Variants in EML1 observed in about 807,000 individuals in gnomAD.
The protein encoded by EML1 is EMAP like 1.
In EML1, 27 loss-of-function variants were observed where a neutral mutation model predicts 110.4. The observed-to-expected ratio is 0.24, with a 90% CI of 0.18 to 0.34. EML1 has a LOEUF of 0.34. Ranked by LOEUF, EML1 falls within the 10% of genes least tolerant of loss-of-function variation. The probability of loss-of-function intolerance (pLI) is 1.00; values close to 1 mark genes in which losing one functional copy is unlikely to be tolerated. For synonymous variants in EML1, 344 were observed against 385.8 expected (o/e 0.89, Z 1.27); for missense variants, 741 against 1,030.9 (o/e 0.72, Z 3.85).
intron 1 of EML1, among the ~76,000 whole-genome samples, chr14:99,761,136 A>G (rs897770937): frequency 2.0e-4 from 30 of 152,136 alleles, no homozygotes; most frequent in Admixed American, 1.7e-3. Flanking sequence ...CACCTTACCG[A>G]TGAGAAAACT....
At chr14:99,903,165 A>G (rs892375479) in intron 9 of EML1, among the ~76,000 whole-genome samples, 2 of 152,236 alleles carry the variant, frequency 1.3e-5, no homozygotes, top group Non-Finnish European at 2.9e-5. Flanking sequence ...AAATAGCTCA[A>G]AAGAAAAGTT....
At chr14:99,838,384 A>G (rs1379008589) in intron 1 of EML1, among the ~76,000 whole-genome samples, 2 of 152,192 alleles carry the variant, frequency 1.3e-5, no homozygotes. Flanking sequence ...CTTTTTGTTA[A>G]GTCAGTTTAT....
intron 2 of EML1, among the ~76,000 whole-genome samples, chr14:99,851,780 T>G (rs946419953): frequency 2.0e-5 from 3 of 152,200 alleles, no homozygotes; most frequent in Non-Finnish European, 2.9e-5. Flanking sequence ...CACTCGATCA[T>G]ATGCCACATT....
At chr14:99,763,371 G>GA (rs2057335228) in intron 1 of EML1, among the ~76,000 whole-genome samples, 1 of 152,170 alleles carries the variant, frequency 6.6e-6, no homozygotes, top group Non-Finnish European at 1.5e-5. Flanking sequence ...GGAGCTGTAT[G>GA]AGTAGACATG....
chr14:99,873,248 C>T (rs1220392118), intron 3 of EML1, among the ~76,000 whole-genome samples: 2 of 152,130 alleles, frequency 1.3e-5, no homozygotes, highest in African/African-American at 4.8e-5. Context: ...GTACAAAAAG[C>T]GTTATTTAAA....
At chr14:99,837,067 C>T (rs1181766490) in intron 1 of EML1, among the ~76,000 whole-genome samples, 1 of 151,078 alleles carries the variant, frequency 6.6e-6, no homozygotes, top group African/African-American at 2.4e-5. Flanking sequence ...TAAGTACTCA[C>T]CAGAAGACTT....
intron 1 of EML1, among the ~76,000 whole-genome samples, chr14:99,844,255 C>T (rs1475568934): frequency 6.6e-6 from 1 of 152,072 alleles, no homozygotes; most frequent in African/African-American, 2.4e-5. Context: ...CCGAGGCGGG[C>T]GGATCACAAG....
upstream of EML1, among the ~76,000 whole-genome samples, chr14:99,792,059 T>G (rs2057680653): frequency 6.6e-6 from 1 of 152,132 alleles, no homozygotes; most frequent in African/African-American, 2.4e-5. Context: ...GCTCTTAAAC[T>G]TCTCCCTCTG....
At chr14:99,859,553 G>A (rs2058964450) in intron 2 of EML1, among the ~76,000 whole-genome samples, 1 of 152,218 alleles carries the variant, frequency 6.6e-6, no homozygotes, top group South Asian at 2.1e-4. Context: ...ATTGGACCCA[G>A]AGGACCTTGC....
intron 4 of EML1, among the ~76,000 whole-genome samples, chr14:99,888,029 T>C (rs1383051651): frequency 6.6e-6 from 1 of 152,160 alleles, no homozygotes; most frequent in Non-Finnish European, 1.5e-5. Context: ...ATAAGCTGGG[T>C]TTTTTTCAAT....
At chr14:99,755,600 G>T (rs2140179637) in intron 1 of EML1, among the ~76,000 whole-genome samples, 1 of 152,274 alleles carries the variant, frequency 6.6e-6, no homozygotes, top group South Asian at 2.1e-4. Flanking sequence ...TCCTGTCCCG[G>T]CTGTGGACTG....
At chr14:99,878,146 A>C (rs1455507774) in intron 3 of EML1, among the ~76,000 whole-genome samples, 1 of 139,170 alleles carries the variant, frequency 7.2e-6, no homozygotes, top group Non-Finnish European at 1.7e-5. Context: ...GCCCAGGGAA[A>C]CCAAAAGATT....
chr14:99,807,305 G>C (rs114519529), intron 1 of EML1, among the ~76,000 whole-genome samples: 105 of 152,344 alleles, frequency 6.9e-4, no homozygotes, highest in African/African-American at 2.5e-3. Context: ...TGAAATGACT[G>C]TGTGAACTTG....
At chr14:99,802,770 A>T (rs916214767) in intron 1 of EML1, among the ~76,000 whole-genome samples, 1 of 152,028 alleles carries the variant, frequency 6.6e-6, no homozygotes, top group Admixed American at 6.6e-5. Flanking sequence ...GCTGGGCTGG[A>T]CATAACATTT....
rs188984936 is a variant in EML1 at position 99,934,347 on chromosome 14, G to A, written c.1910-1682G>A. ...TTTTCTCAGCAAAAAATATGTATTTGCCCCATTCCTTCAGAATTCTTGATT... is the reference window on the plus strand; with the variant it reads ...TTTTCTCAGCAAAAAATATGTATTTACCCCATTCCTTCAGAATTCTTGATT... On this transcript the variant is annotated intron_variant, in intron 17 of 21. Transcript: ENST00000262233. Among the ~76,000 whole-genome samples the A allele has an allele frequency of 2.1e-3, 315 of 152,308 alleles. 2 individuals carry two copies. The highest frequency in any genetic ancestry group is 7.1e-3 in the African/African-American group (294 of 41,570).
chr14:99,851,723 T>G (rs2139834467), intron 2 of EML1, among the ~76,000 whole-genome samples: 1 of 152,300 alleles, frequency 6.6e-6, no homozygotes, highest in East Asian at 1.9e-4. Flanking sequence ...AACTGTTATC[T>G]CTTTATATGC....
Position 99,827,557 on chromosome 14 carries a change from T to C in EML1, c.68-23296T>C, listed in dbSNP as rs1388686323. On this transcript the variant is annotated intron_variant, in intron 1 of 21. Coordinates refer to ENST00000262233, the MANE Select transcript of EML1 (RefSeq NM_004434.3). This position sits in a 1 kb window ranked among gnomAD's most constrained non-coding sequence, Gnocchi z 4.4. ...CTCAGAGCATGACTATACTTGGAAATAGAGTCTTTAAAGAGGTGATTAAGT... is the reference window on the plus strand; with the variant it reads ...CTCAGAGCATGACTATACTTGGAAACAGAGTCTTTAAAGAGGTGATTAAGT... Among the ~76,000 whole-genome samples, 2 of 151,844 alleles carry C rather than the reference T, an allele frequency of 1.3e-5. No homozygotes were observed.
intron 1 of EML1, among the ~76,000 whole-genome samples, chr14:99,815,545 T>C (rs2058153877): frequency 6.6e-6 from 1 of 152,216 alleles, no homozygotes; most frequent in South Asian, 2.1e-4. Flanking sequence ...TTGTAATTGA[T>C]CTATTTTTCT....
chr14:99,935,350 G>A (rs569603106), intron 17 of EML1, among the ~76,000 whole-genome samples: 3 of 152,030 alleles, frequency 2.0e-5, no homozygotes, highest in East Asian at 3.9e-4. Context: ...CATGGCACAC[G>A]CCTGTAGTCC....
Sources: gnomAD v4.1 joint callset for allele counts (sites outside exome capture counted in the v4.1 genomes callset) on GRCh38, gnomAD v4.1.1 for gene constraint, Gnocchi (gnomAD v3.1) non-coding constraint, MANE v1.5 for transcripts, NCBI Gene and HGNC (gene_info 2026-07-23, HGNC 2026-07-21) for gene names.